The following BTNL8 variants were observed in gnomAD, a reference collection of about 807,000 sequenced individuals.
BTNL8 encodes butyrophilin-like protein 8.
BTNL8 carries 22 observed loss-of-function variants against 36.1 expected under a neutral mutation model. The ratio of observed to expected loss-of-function variants is 0.61; its 90% CI spans 0.44 to 0.87. The LOEUF is 0.87. Ranked by LOEUF, BTNL8 falls within the 40% of genes least tolerant of loss-of-function variation. The probability of loss-of-function intolerance (pLI) is 0.00; values close to 1 mark genes in which losing one functional copy is unlikely to be tolerated. For missense variants in BTNL8, 526 were observed against 616.9 expected (o/e 0.85, Z 1.56); for synonymous variants, 203 against 235.6 (o/e 0.86, Z 1.27).
intron 1 of BTNL8, chr5:180,902,334 A>G: frequency 6.5e-7 from 1 of 1,547,162 alleles, no homozygotes; most frequent in East Asian, 2.4e-5. Flanking sequence ...TTAATAATAC[A>G]CATTTCTGCA....
At chr5:180,932,356 T>C (rs143089909) in intron 3 of BTNL8, among the ~76,000 whole-genome samples, 346 of 152,272 alleles carry the variant, frequency 2.3e-3, no homozygotes, top group African/African-American at 8.0e-3. Flanking sequence ...TAAGTATAAT[T>C]ATTTTTTTCA....
At chr5:180,901,367 G>A (rs917869233) in intron 1 of BTNL8, among the ~76,000 whole-genome samples, 4 of 151,970 alleles carry the variant, frequency 2.6e-5, no homozygotes, top group African/African-American at 9.7e-5. Context: ...CCAGTCAAAG[G>A]GGGTGGGTAC....
intron 2 of BTNL8, among the ~76,000 whole-genome samples, chr5:180,911,048 G>A (rs1391206530): frequency 1.3e-5 from 2 of 152,138 alleles, no homozygotes; most frequent in African/African-American, 2.4e-5. Flanking sequence ...TACGCCTGGC[G>A]GCTCAGCACT....
In BTNL8 at chr5:180,950,346, G is replaced by A; in HGVS notation, c.1305G>A (p.Arg435=). 6.8e-7 allele frequency: 1 copy of A among 1,463,450 alleles called. No individual in the cohort carries two copies. The highest frequency in any genetic ancestry group is 1.1e-5 in the South Asian group (1 of 89,244). 90.7% of individuals were successfully genotyped at this position (1,463,450 alleles called of 1,614,324 possible). Residue 435 remains arginine (R), a synonymous_variant, in exon 8 of 8, where the codon CGG becomes CGA. Coordinates refer to ENST00000340184, the MANE Select transcript of BTNL8 (RefSeq NM_001040462.3). ...DQSLIYTLTC[R]FEGLLRPYIE... is the part of the protein sequence containing the mutation. ...CCCTTATTTATACCCTGACATGTCG[G>A]TTTGAAGGCTTATTGAGGCCCTACA...
intron 3 of BTNL8, among the ~76,000 whole-genome samples, chr5:180,933,455 A>G (rs1223148650): frequency 6.6e-6 from 1 of 152,254 alleles, no homozygotes; most frequent in Non-Finnish European, 1.5e-5. Flanking sequence ...GTATATTTTC[A>G]GACCACAATG....
chr5:180,941,461 C>A (rs7721988), intron 3 of BTNL8, among the ~76,000 whole-genome samples: 31,255 of 152,074 alleles, frequency 0.21, 5,809 homozygotes, highest in African/African-American at 0.5. Flanking sequence ...ACAGTATTAT[C>A]CTGATGCCAA....
intron 3 of BTNL8, among the ~76,000 whole-genome samples, chr5:180,918,141 C>T (rs1757725909): frequency 6.6e-6 from 1 of 151,508 alleles, no homozygotes; most frequent in Non-Finnish European, 1.5e-5. Flanking sequence ...TATGAGGCCA[C>T]AGTTACCCTG....
intron 3 of BTNL8, among the ~76,000 whole-genome samples, chr5:180,941,912 C>CTTTTTTTTTTTTTTTTTTTTTTTTTT (rs1554145496): frequency 9.0e-5 from 13 of 145,160 alleles, no homozygotes; most frequent in Admixed American, 1.4e-4. Flanking sequence ...TTTTACTACT[C>CTTTTTTTTTTTTTTTTTTTTTTTTTT]TTATTCAACA....
chr5:180,912,518 A>AT (rs1205604668), intron 3 of BTNL8, among the ~76,000 whole-genome samples: 1 of 152,070 alleles, frequency 6.6e-6, no homozygotes, highest in African/African-American at 2.4e-5. Context: ...TACCAAGAGT[A>AT]TTTCTAGAGA....
chr5:180,949,859 C>T lies in BTNL8; in HGVS notation c.863-45C>T, dbSNP rs769546512. 3.5e-5 allele frequency: 49 copies of T among 1,418,726 alleles called. 9 individuals carry two copies. Among genetic ancestry groups the T allele is most frequent in the African/African-American group, 3.4e-4 (24 of 71,132 alleles). 87.9% of individuals were successfully genotyped at this position (1,418,726 alleles called of 1,614,324 possible). A position where few individuals can be genotyped will look rare whatever the true frequency, so the allele number is the denominator to read the frequency against. On this transcript the variant is annotated intron_variant, in intron 7 of 7. Coordinates refer to ENST00000340184, the MANE Select transcript of BTNL8 (RefSeq NM_001040462.3). ...CGACCTCTTGCTCCAGCCCAGATTT[C>T]GTCTTCAGTAACTCATGCTTCCTCT...
At chr5:180,919,074 C>A (rs1466087286) in intron 3 of BTNL8, among the ~76,000 whole-genome samples, 1 of 152,218 alleles carries the variant, frequency 6.6e-6, no homozygotes, top group Non-Finnish European at 1.5e-5. Context: ...CCACCAGAGG[C>A]AGCTTTGCCA....
intron 3 of BTNL8, among the ~76,000 whole-genome samples, chr5:180,922,335 A>G (rs1757903654): frequency 6.6e-6 from 1 of 152,048 alleles, no homozygotes; most frequent in African/African-American, 2.4e-5. Flanking sequence ...GTTTAGTGCT[A>G]TAAAGTTCCC....
intron 3 of BTNL8, among the ~76,000 whole-genome samples, chr5:180,940,215 A>G (rs2218509): frequency 0.45 from 68,019 of 151,616 alleles, 16,324 homozygotes; most frequent in African/African-American, 0.63. Context: ...GCATGGTGGC[A>G]CTAATCCCAG....
intron 3 of BTNL8, among the ~76,000 whole-genome samples, chr5:180,921,055 G>T (rs1009281021): frequency 6.6e-6 from 1 of 152,034 alleles, no homozygotes; most frequent in African/African-American, 2.4e-5. Flanking sequence ...CTTATATGTA[G>T]ATAAACCCTA....
chr5:180,926,312 C>T (rs1758095710), intron 3 of BTNL8, among the ~76,000 whole-genome samples: 2 of 152,174 alleles, frequency 1.3e-5, no homozygotes, highest in African/African-American at 2.4e-5. Context: ...ATGCTTTTCC[C>T]ATGGTCTTTG....
At chr5:180,901,385 G>A (rs929234052) in intron 1 of BTNL8, among the ~76,000 whole-genome samples, 1 of 147,180 alleles carries the variant, frequency 6.8e-6, no homozygotes, top group South Asian at 2.1e-4. Context: ...TACTTAGAAG[G>A]TGAAGGGAGT....
At chr5:180,948,561 T>C in intron 5 of BTNL8, 186 bp downstream of exon 5, 1 of 1,510,850 alleles carries the variant, frequency 6.6e-7, no homozygotes, top group Non-Finnish European at 9.0e-7. Context: ...TCTGGAGGGC[T>C]TAGGATAGGC....
At position 180,947,609 on chromosome 5, in the gene BTNL8, C is replaced by G. The variant is rs1440503569; in HGVS notation, c.771C>G (p.Phe257Leu). ...LFFGIVGLKI[F>L]FSKFQWKIQA... ...TTGGCATTGTTGGACTGAAGATTTT[C>G]TTCTCCAAATTCCAGTGTAAGCGAG... The change falls in exon 4 of 8, where the codon TTC becomes TTG. Residue 257 changes from phenylalanine to leucine, a missense_variant. Phe to Leu is a conservative substitution (Grantham distance 22, BLOSUM62 0). Coordinates refer to ENST00000340184, the MANE Select transcript of BTNL8 (RefSeq NM_001040462.3). The G allele has an allele frequency of 6.2e-7, 1 of 1,614,186 alleles. No homozygotes were observed. The highest frequency in any genetic ancestry group is 1.3e-5 in the African/African-American group (1 of 75,046).
chr5:180,926,247 A>G (rs1758091411), intron 3 of BTNL8, among the ~76,000 whole-genome samples: 1 of 152,200 alleles, frequency 6.6e-6, no homozygotes, highest in Admixed American at 6.5e-5. Flanking sequence ...CTCATAGCCA[A>G]GGGAAGATGT....
Sources: gnomAD v4.1 joint callset for allele counts (sites outside exome capture counted in the v4.1 genomes callset) on GRCh38, gnomAD v4.1.1 for gene constraint, MANE v1.5 for transcripts, NCBI Gene and HGNC (gene_info 2026-07-23, HGNC 2026-07-21) for gene names.